Variants in CMBL observed in about 807,000 individuals in gnomAD.
The protein encoded by CMBL is carboxymethylenebutenolidase homolog.
Under a neutral mutation model 28.7 loss-of-function variants are expected in CMBL, and 17 were observed. The observed-to-expected ratio is 0.59, with a 90% confidence interval of 0.41 to 0.89. CMBL has a LOEUF of 0.89. Among genes scored for constraint, CMBL ranks in the 40% least tolerant of loss-of-function variants. The pLI, the probability that CMBL is intolerant of heterozygous loss-of-function variation, is 0.00. For synonymous variants in CMBL, 106 were observed against 101.6 expected (o/e 1.04, Z -0.26); for missense variants, 310 against 298.5 (o/e 1.04, Z -0.28).
At chr5:10,284,699 G>A (rs181316639) in intron 4 of CMBL, among the ~76,000 whole-genome samples, 9 of 152,304 alleles carry the variant, frequency 5.9e-5, no homozygotes, top group East Asian at 1.9e-4. Flanking sequence ...AGGTGAGGTG[G>A]ATTAAATGCA....
intron 1 of CMBL, among the ~76,000 whole-genome samples, chr5:10,296,286 GGTTT>G (rs1427304839): frequency 2.6e-5 from 4 of 152,026 alleles, no homozygotes; most frequent in Admixed American, 2.0e-4. Context: ...ATGTGGGTTT[GGTTT>G]GTTTGTTTGA....
chr5:10,301,471 A>G (rs1221326252), intron 1 of CMBL, among the ~76,000 whole-genome samples: 1 of 151,552 alleles, frequency 6.6e-6, no homozygotes, highest in African/African-American at 2.4e-5. Context: ...TACAGCGATC[A>G]TCAACACCAT....
intron 2 of CMBL, 23 bp from the exon 3 acceptor site, chr5:10,288,552 G>C (rs751279905): frequency 6.6e-7 from 1 of 1,515,228 alleles, no homozygotes. Context: ...GACATGAATT[G>C]ATCTTAGTTT....
intron 1 of CMBL, among the ~76,000 whole-genome samples, chr5:10,302,075 C>G (rs1746910594): frequency 6.6e-6 from 1 of 152,180 alleles, no homozygotes; most frequent in Non-Finnish European, 1.5e-5. Context: ...CCAGACCCTC[C>G]ACGTGGGCAC....
chr5:10,305,035 G>C (rs1463830815), intron 1 of CMBL, among the ~76,000 whole-genome samples: 1 of 152,194 alleles, frequency 6.6e-6, no homozygotes, highest in African/African-American at 2.4e-5. Context: ...AGGACTGTGT[G>C]TCTGAGATGC....
intron 1 of CMBL, 164 bp downstream of exon 1, chr5:10,307,461 G>GT (rs1210944975): frequency 6.6e-6 from 1 of 152,236 alleles, no homozygotes; most frequent in Admixed American, 6.5e-5. Flanking sequence ...CAAGGACAAC[G>GT]TATCACTTTT....
At chr5:10,298,635 G>A (rs186200531) in intron 1 of CMBL, among the ~76,000 whole-genome samples, 1 of 152,332 alleles carries the variant, frequency 6.6e-6, no homozygotes, top group East Asian at 1.9e-4. Flanking sequence ...GCTCACACCT[G>A]TAATCCCAGC....
At chr5:10,294,707 G>C (rs1449368088) in intron 1 of CMBL, among the ~76,000 whole-genome samples, 1 of 152,252 alleles carries the variant, frequency 6.6e-6, no homozygotes, top group Admixed American at 6.5e-5. Flanking sequence ...GTGATGGTGA[G>C]AGGGCGGGAA....
At chr5:10,280,686 C>T in intron 5 of CMBL, 54 bp from the exon 6 acceptor site, 1 of 1,466,764 alleles carries the variant, frequency 6.8e-7, no homozygotes, top group Non-Finnish European at 9.3e-7. Context: ...TTTCCATTCT[C>T]CAAATCTTTA....
chr5:10,288,289 CA>C, intron 3 of CMBL, 132 bp downstream of exon 3: 1 of 690,746 alleles, frequency 1.4e-6, no homozygotes, highest in South Asian at 1.6e-5. Context: ...TCCTTTGTGC[CA>C]GGGGAAGGAT....
At position 10,277,991 on chromosome 5, in the gene CMBL, C is replaced by A. The variant is rs890582388; in HGVS notation, c.*2462G>T. Among the ~76,000 whole-genome samples, 1 of 152,228 alleles carries A rather than the reference C, an allele frequency of 6.6e-6. No homozygotes were observed. Among genetic ancestry groups the A allele is most frequent in the Non-Finnish European group, 1.5e-5 (1 of 68,040 alleles). ...CACATCTCAGGGGTTTCCTGGGAGG[C>A]CGGATGAATGTGTGAGGCCTCCTGG... On this transcript the variant is annotated 3_prime_UTR_variant, in exon 6 of 6. Coordinates refer to ENST00000296658, the MANE Select transcript of CMBL (RefSeq NM_138809.4).
In CMBL at chr5:10,280,537, C is replaced by T. The variant is rs1175470621; in HGVS notation, c.654G>A (p.Lys218=). Reference sequence around the variant, plus strand: ...TGTCTGCAGGTGAGCAATCTTCTCTCTTCCGATGCACGAACCCATGAGTCT... The same window carrying T: ...TGTCTGCAGGTGAGCAATCTTCTCTTTTCCGATGCACGAACCCATGAGTCT... The part of the protein sequence containing the change: ...SGQTHGFVHR[K]REDCSPADKP... Residue 218 remains lysine, a synonymous_variant, in exon 6 of 6, where the codon AAG becomes AAA. Transcript: ENST00000296658. 1.2e-6 allele frequency: 2 copies of T among 1,614,020 alleles called. No individual in the cohort carries two copies. The highest frequency in any genetic ancestry group is 1.3e-5 in the African/African-American group (1 of 75,050).
chr5:10,302,481 TAAAAAA>T (rs60080220), intron 1 of CMBL, among the ~76,000 whole-genome samples: 3 of 135,340 alleles, frequency 2.2e-5, no homozygotes, highest in African/African-American at 8.3e-5. Flanking sequence ...TTGTCTCTAC[TAAAAAA>T]AAAAAAAAAA....
At chr5:10,298,428 C>T (rs1420730922) in intron 1 of CMBL, among the ~76,000 whole-genome samples, 1 of 152,082 alleles carries the variant, frequency 6.6e-6, no homozygotes, top group African/African-American at 2.4e-5. Flanking sequence ...CTGCAGAAAA[C>T]TGAATACTAA....
At chr5:10,301,757 A>G (rs948133606) in intron 1 of CMBL, among the ~76,000 whole-genome samples, 5 of 151,886 alleles carry the variant, frequency 3.3e-5, no homozygotes, top group African/African-American at 1.2e-4. Flanking sequence ...GCCCGCCACT[A>G]TGCCCGGCTA....
intron 1 of CMBL, among the ~76,000 whole-genome samples, chr5:10,305,830 A>G (rs545216043): frequency 6.6e-6 from 1 of 152,204 alleles, no homozygotes; most frequent in East Asian, 1.9e-4. Context: ...CGGCCTCCCA[A>G]AGTGCTAGGA....
In CMBL at chr5:10,279,152, G is replaced by A. The variant is rs1746451210; in HGVS notation, c.*1301C>T. On this transcript the variant is annotated 3_prime_UTR_variant, in exon 6 of 6. Transcript: ENST00000296658. ...CACCAGAAACACAGGAGATATTTCT[G>A]AGGTAGCCTCAGGCCCTGGGACCCA... 1 of 152,188 alleles carries A rather than the reference G, an allele frequency of 6.6e-6. No homozygotes were observed. Among genetic ancestry groups the A allele is most frequent in the Non-Finnish European group, 1.5e-5 (1 of 68,054 alleles). The allele number at this position is 152,188 out of a possible 1,614,324, so 9.4% of individuals were successfully genotyped here.
intron 1 of CMBL, among the ~76,000 whole-genome samples, chr5:10,293,936 G>A (rs1226492809): frequency 2.6e-5 from 4 of 152,254 alleles, no homozygotes; most frequent in Non-Finnish European, 5.9e-5. Flanking sequence ...GACAATGTTG[G>A]TTGAGGGTGT....
chr5:10,295,526 C>G (rs1453960038), intron 1 of CMBL, among the ~76,000 whole-genome samples: 1 of 152,160 alleles, frequency 6.6e-6, no homozygotes, highest in East Asian at 1.9e-4. Flanking sequence ...ATGTTGAAAC[C>G]CTAATTCCAG....
Sources: gnomAD v4.1 joint callset for allele counts (sites outside exome capture counted in the v4.1 genomes callset) on GRCh38, gnomAD v4.1.1 for gene constraint, MANE v1.5 for transcripts, NCBI Gene and HGNC (gene_info 2026-07-23, HGNC 2026-07-21) for gene names.